The following C1orf185 variants were observed in gnomAD, a reference collection of about 807,000 sequenced individuals.
The protein encoded by C1orf185 is uncharacterized protein C1orf185.
In C1orf185, 13 loss-of-function variants were observed where a neutral mutation model predicts 16.1. The ratio of observed to expected loss-of-function variants is 0.81; its 90% confidence interval spans 0.53 to 1.28. C1orf185 has a LOEUF of 1.28. Among genes scored for constraint, C1orf185 ranks in the 50% most tolerant of loss-of-function variants. C1orf185 has a pLI of 0.00. For missense variants in C1orf185, 220 were observed against 225.2 expected (o/e 0.98, Z 0.15); for synonymous variants, 80 against 76.9 (o/e 1.04, Z -0.21).
chr1:51,109,038 A>T lies in C1orf185; in HGVS notation c.17-3426A>T, dbSNP rs374698827. Among the ~76,000 whole-genome samples, 51 of 152,322 alleles carry T rather than the reference A, an allele frequency of 3.3e-4. No homozygotes were observed. In the South Asian group the frequency reaches 9.5e-3, roughly 29 times the overall value. On this transcript the variant is annotated intron_variant, in intron 1 of 4. Transcript: ENST00000371759. ...GGCTGTACTATTTTGCATTCTCACC[A>T]ACAGTCTATAAGGGTTCCCCTTTCT...
intron 3 of C1orf185, among the ~76,000 whole-genome samples, chr1:51,127,578 G>T (rs112642326): frequency 0.044 from 6,710 of 152,116 alleles, 439 homozygotes; most frequent in African/African-American, 0.14. Context: ...GAGCCACTGC[G>T]CCCAGCAGCT....
At chr1:51,127,885 GTTTTTTTTTT>G (rs769457494) in intron 3 of C1orf185, among the ~76,000 whole-genome samples, 5 of 115,304 alleles carry the variant, frequency 4.3e-5, no homozygotes, top group Admixed American at 1.8e-4. Context: ...TCTTTTCTTT[GTTTTTTTTTT>G]TTTTTTTTTT....
intron 1 of C1orf185, among the ~76,000 whole-genome samples, chr1:51,107,055 C>T (rs745693184): frequency 7.8e-4 from 119 of 152,124 alleles, no homozygotes; most frequent in Non-Finnish European, 1.1e-3. Flanking sequence ...CCGCGCCTGG[C>T]CCAGATCTGT....
intron 2 of C1orf185, among the ~76,000 whole-genome samples, chr1:51,118,416 T>A (rs1646173261): frequency 6.6e-6 from 1 of 152,204 alleles, no homozygotes; most frequent in Non-Finnish European, 1.5e-5. Context: ...TAGCTCTGCA[T>A]ACATAACTTA....
chr1:51,105,302 T>C (rs1184559657), intron 1 of C1orf185, among the ~76,000 whole-genome samples: 1 of 151,970 alleles, frequency 6.6e-6, no homozygotes, highest in Non-Finnish European at 1.5e-5. Context: ...TCTTGACTAG[T>C]AATTGGCAAT....
intron 1 of C1orf185, among the ~76,000 whole-genome samples, chr1:51,108,007 C>T (rs1241580788): frequency 3.3e-5 from 5 of 152,166 alleles, no homozygotes; most frequent in Non-Finnish European, 7.3e-5. Context: ...GGGTATTTGT[C>T]TAAGACTTGA....
chr1:51,122,861 T>C (rs1269507882), intron 3 of C1orf185, among the ~76,000 whole-genome samples: 1 of 152,234 alleles, frequency 6.6e-6, no homozygotes, highest in Non-Finnish European at 1.5e-5. Flanking sequence ...ATGTAGTCTT[T>C]TCAGATTGGC....
In C1orf185 at chr1:51,112,572, A is replaced by T; in HGVS notation, c.122+3A>T. 5.2e-6 allele frequency: 8 copies of T among 1,535,472 alleles called. No individual in the cohort carries two copies. Among genetic ancestry groups the T allele is most frequent in the Non-Finnish European group, 7.0e-6 (8 of 1,140,270 alleles). On this transcript the variant is annotated splice_donor_region_variant and intron_variant, in intron 2 of 4. Transcript: ENST00000371759. The stretch of plus-strand genomic sequence containing the variant: ...TGGTTCCTGATTTGCAAACGAAGGT[A>T]AGGATTATTCGAATATTTCTTTAAC...
At chr1:51,124,039 C>T (rs998505188) in intron 3 of C1orf185, among the ~76,000 whole-genome samples, 1 of 151,044 alleles carries the variant, frequency 6.6e-6, no homozygotes, top group African/African-American at 2.4e-5. Flanking sequence ...AATATTTTTT[C>T]CCAGCCCATG....
chr1:51,147,029 T>C (rs1570325540), intron 4 of C1orf185, among the ~76,000 whole-genome samples: 1 of 152,140 alleles, frequency 6.6e-6, no homozygotes, highest in Non-Finnish European at 1.5e-5. Flanking sequence ...TGTTTTTTGC[T>C]TGGTTTTGAG....
At chr1:51,115,407 G>A (rs1187447129) in intron 2 of C1orf185, among the ~76,000 whole-genome samples, 1 of 152,102 alleles carries the variant, frequency 6.6e-6, no homozygotes, top group African/African-American at 2.4e-5. Flanking sequence ...GTTTTATTGA[G>A]TAATATTCCA....
At position 51,146,531 on chromosome 1, in the gene C1orf185, T is replaced by C. The variant is rs369785195; in HGVS notation, c.295+771T>C. Among the ~76,000 whole-genome samples, 10 of 152,008 alleles carry C rather than the reference T, an allele frequency of 6.6e-5. No individual in the cohort carries two copies. In the East Asian group the frequency reaches 7.7e-4, roughly 12 times the overall value. ...AATTTTTTAAAAAGAAAAGTTAATA[T>C]GTAAAATGTTATAAAAGGTATTATA... On this transcript the variant is annotated intron_variant, in intron 4 of 4. Transcript: ENST00000371759.
intron 3 of C1orf185, among the ~76,000 whole-genome samples, chr1:51,131,239 A>G (rs1646282904): frequency 6.6e-6 from 1 of 152,202 alleles, no homozygotes; most frequent in Non-Finnish European, 1.5e-5. Context: ...GTTTAGGTCA[A>G]GGTTCATTTG....
At chr1:51,124,986 T>C (rs778645740) in intron 3 of C1orf185, among the ~76,000 whole-genome samples, 7 of 152,314 alleles carry the variant, frequency 4.6e-5, no homozygotes, top group South Asian at 2.1e-4. Context: ...GCCCATCTTC[T>C]GTAACTGCTT....
intron 1 of C1orf185, among the ~76,000 whole-genome samples, chr1:51,102,787 T>C (rs1433293183): frequency 3.3e-5 from 5 of 152,106 alleles, no homozygotes; most frequent in African/African-American, 1.2e-4. Flanking sequence ...TTGCTGGTCT[T>C]TTTCAACTTG....
chr1:51,121,100 T>C (rs559072406), intron 3 of C1orf185, among the ~76,000 whole-genome samples: 2 of 152,306 alleles, frequency 1.3e-5, no homozygotes, highest in Admixed American at 1.3e-4. Flanking sequence ...ACTTGTCATT[T>C]TTTGTGGTGA....
At position 51,102,245 on chromosome 1, in the gene C1orf185, T is replaced by C. The variant is rs200364120; in HGVS notation, c.12T>C (p.Pro4=). 103 of 716,170 alleles carry C rather than the reference T, an allele frequency of 1.4e-4. No homozygotes were observed. In the Middle Eastern group the frequency reaches 2.7e-3, roughly 19 times the overall value. The allele number at this position is 716,170 out of a possible 1,614,324, so 44.4% of individuals were successfully genotyped here. A position where few individuals can be genotyped will look rare whatever the true frequency, so the allele number is the denominator to read the frequency against. ...TAGAACTCAGTCATATGGCTTCACCTAAAGGTATGAGAAGCTGGGTCATGT... is the reference window on the plus strand; with the variant it reads ...TAGAACTCAGTCATATGGCTTCACCCAAAGGTATGAGAAGCTGGGTCATGT... MAS[P]KGFFNYLTYF... is the part of the protein sequence containing the mutation. Residue 4 remains proline, a synonymous_variant, in exon 1 of 5, where the codon CCT becomes CCC. Transcript: ENST00000371759.
intron 4 of C1orf185, among the ~76,000 whole-genome samples, chr1:51,146,453 T>C (rs923119899): frequency 6.9e-6 from 1 of 144,180 alleles, no homozygotes; most frequent in African/African-American, 2.6e-5. Context: ...AGCAAGACTG[T>C]CTCAAAAAAA....
chr1:51,135,106 A>C (rs948507218), intron 3 of C1orf185, among the ~76,000 whole-genome samples: 1 of 152,246 alleles, frequency 6.6e-6, no homozygotes, highest in Non-Finnish European at 1.5e-5. Context: ...TCAACAAAAT[A>C]CTGGCAAACC....
Sources: gnomAD v4.1 joint callset for allele counts (sites outside exome capture counted in the v4.1 genomes callset) on GRCh38, gnomAD v4.1.1 for gene constraint, MANE v1.5 for transcripts, NCBI Gene and HGNC (gene_info 2026-07-23, HGNC 2026-07-21) for gene names.